The following PTPRK variants were observed in gnomAD, a reference collection of about 807,000 sequenced individuals.
The protein encoded by PTPRK is receptor-type tyrosine-protein phosphatase kappa.
In PTPRK, 75 loss-of-function variants were observed where a neutral mutation model predicts 178.0. That is an observed-to-expected ratio of 0.42 (90% CI 0.35 to 0.51). The LOEUF is 0.51. Ranked by LOEUF, PTPRK falls within the 20% of genes least tolerant of loss-of-function variation. The pLI is 0.02. For synonymous variants in PTPRK, 637 were observed against 620.6 expected (o/e 1.03, Z -0.39); for missense variants, 1,441 against 1,797.8 (o/e 0.80, Z 3.59).
chr6:128,494,707 A>G (rs1359361139), intron 1 of PTPRK, among the ~76,000 whole-genome samples: 1 of 152,250 alleles, frequency 6.6e-6, no homozygotes, highest in Non-Finnish European at 1.5e-5. Flanking sequence ...GCCGTCATGC[A>G]ATCCAAAAGC....
intron 1 of PTPRK, among the ~76,000 whole-genome samples, chr6:128,503,538 C>T (rs887549744): frequency 5.3e-5 from 8 of 152,138 alleles, no homozygotes; most frequent in Non-Finnish European, 1.2e-4. Context: ...GCCCTCTGTG[C>T]TATATACACT....
chr6:128,018,261 T>C (rs931185284), intron 13 of PTPRK, among the ~76,000 whole-genome samples: 1 of 152,110 alleles, frequency 6.6e-6, no homozygotes, highest in Non-Finnish European at 1.5e-5. Context: ...AAAATGCTCA[T>C]AATTTGTCAA....
intron 8 of PTPRK, among the ~76,000 whole-genome samples, chr6:128,086,943 T>C (rs1425564179): frequency 6.6e-6 from 1 of 152,074 alleles, no homozygotes; most frequent in Non-Finnish European, 1.5e-5. Context: ...AAACTAGGAT[T>C]GAAAATGATA....
At chr6:128,055,025 A>C (rs973189726) in intron 13 of PTPRK, among the ~76,000 whole-genome samples, 22 of 152,238 alleles carry the variant, frequency 1.4e-4, no homozygotes, top group Non-Finnish European at 2.6e-4. Context: ...TTTAATAAAG[A>C]AATAAATAAC....
intron 1 of PTPRK, among the ~76,000 whole-genome samples, chr6:128,430,918 A>G (rs1844755505): frequency 6.6e-6 from 1 of 151,524 alleles, no homozygotes; most frequent in Non-Finnish European, 1.5e-5. Flanking sequence ...TTATTAGTCA[A>G]CGTGTGATTT....
At chr6:128,083,672 C>G in intron 9 of PTPRK, 43 bp downstream of exon 9, 1 of 1,231,144 alleles carries the variant, frequency 8.1e-7, no homozygotes, top group Non-Finnish European at 1.1e-6. Flanking sequence ...TCCTTTTAGT[C>G]CTTCAATCCA....
chr6:128,355,746 T>G (rs1045028091), intron 2 of PTPRK, among the ~76,000 whole-genome samples: 2 of 152,098 alleles, frequency 1.3e-5, no homozygotes, highest in Admixed American at 1.3e-4. Context: ...TGTATACATA[T>G]GTAACAAACC....
chr6:128,240,273 G>T, intron 4 of PTPRK, 123 bp from the exon 5 acceptor site: 1 of 708,006 alleles, frequency 1.4e-6, no homozygotes, highest in Non-Finnish European at 2.3e-6. Context: ...ACATCAGAAA[G>T]AAGAAAACTG....
chr6:128,122,158 CA>C (rs1792576443), intron 7 of PTPRK, among the ~76,000 whole-genome samples: 1 of 152,042 alleles, frequency 6.6e-6, no homozygotes, highest in African/African-American at 2.4e-5. Context: ...ATGCTTGTAG[CA>C]GAGTTTATAA....
At chr6:128,221,211 T>A (rs977364119) in intron 5 of PTPRK, among the ~76,000 whole-genome samples, 2 of 152,156 alleles carry the variant, frequency 1.3e-5, no homozygotes, top group African/African-American at 4.8e-5. Flanking sequence ...ATAAAGAGGA[T>A]ACTCTATTGC....
At chr6:128,304,424 A>G (rs1277648122) in intron 3 of PTPRK, among the ~76,000 whole-genome samples, 1 of 152,156 alleles carries the variant, frequency 6.6e-6, no homozygotes, top group Non-Finnish European at 1.5e-5. Flanking sequence ...AAATACACAA[A>G]ACACCCCTTT....
At chr6:128,157,694 T>C (rs1798126597) in intron 7 of PTPRK, among the ~76,000 whole-genome samples, 1 of 152,100 alleles carries the variant, frequency 6.6e-6, no homozygotes, top group African/African-American at 2.4e-5. Flanking sequence ...TGGCCAGTGA[T>C]GATGAACATT....
rs536648314 is a variant in PTPRK at position 128,458,303 on chromosome 6, G to T, written c.101-60615C>A. Among the ~76,000 whole-genome samples the T allele has an allele frequency of 2.6e-5, 4 of 152,096 alleles. No individual in the cohort carries two copies. The South Asian group carries it at 8.3e-4, about 32-fold the overall frequency. On this transcript the variant is annotated intron_variant, in intron 1 of 29. Coordinates refer to ENST00000368226, the MANE Select transcript of PTPRK (RefSeq NM_002844.4). The stretch of plus-strand genomic sequence containing the variant: ...AGATGAAGAGTCAATCATCTGACAG[G>T]GATTGCTTATTCTTAAGATTAAGCC...
At chr6:128,245,004 G>T (rs1032348621) in intron 3 of PTPRK, among the ~76,000 whole-genome samples, 2 of 152,146 alleles carry the variant, frequency 1.3e-5, no homozygotes, top group Non-Finnish European at 2.9e-5. Context: ...AAGTTTGATT[G>T]ACTGGGCTGA....
chr6:128,031,336 G>A (rs1775295938), intron 13 of PTPRK, among the ~76,000 whole-genome samples: 1 of 152,162 alleles, frequency 6.6e-6, no homozygotes, highest in Non-Finnish European at 1.5e-5. Context: ...TCAAACTGCA[G>A]CTAAAGATAT....
At chr6:128,479,866 T>C (rs1364743209) in intron 1 of PTPRK, among the ~76,000 whole-genome samples, 1 of 152,142 alleles carries the variant, frequency 6.6e-6, no homozygotes, top group East Asian at 1.9e-4. Flanking sequence ...CTTCATTTCC[T>C]CCACAAAATT....
intron 3 of PTPRK, among the ~76,000 whole-genome samples, chr6:128,248,807 T>C (rs1282910581): frequency 2.6e-5 from 4 of 152,140 alleles, no homozygotes; most frequent in Non-Finnish European, 5.9e-5. Flanking sequence ...GAAAAAGATA[T>C]GGGATCAAGG....
intron 8 of PTPRK, among the ~76,000 whole-genome samples, chr6:128,085,920 ACAAAGTAG>A (rs1229520239): frequency 6.6e-6 from 1 of 152,182 alleles, no homozygotes; most frequent in Non-Finnish European, 1.5e-5. Flanking sequence ...GTGAGCACAA[ACAAAGTAG>A]ATTCAATAAC....
chr6:128,452,443 A>C (rs1299828740), intron 1 of PTPRK, among the ~76,000 whole-genome samples: 1 of 152,156 alleles, frequency 6.6e-6, no homozygotes, highest in Non-Finnish European at 1.5e-5. Flanking sequence ...ATTATCAAAT[A>C]TTTTGATATG....
Sources: gnomAD v4.1 joint callset for allele counts (sites outside exome capture counted in the v4.1 genomes callset) on GRCh38, gnomAD v4.1.1 for gene constraint, MANE v1.5 for transcripts, NCBI Gene and HGNC (gene_info 2026-07-23, HGNC 2026-07-21) for gene names.